The following HDAC8 variants were observed in gnomAD, a reference collection of about 807,000 sequenced individuals.
HDAC8 encodes histone deacetylase 8.
A neutral mutation model predicts 32.2 loss-of-function variants in HDAC8; 1 was observed. The observed-to-expected ratio is 0.03, with a 90% CI of 0.01 to 0.15. The LOEUF (loss-of-function observed/expected upper bound fraction) is 0.15, where lower values mean the gene tolerates loss of function less well. HDAC8 is among the 10% of genes least tolerant of loss of function. The pLI is 1.00. For missense variants in HDAC8, 117 were observed against 300.0 expected, an observed-to-expected ratio of 0.39 and a Z score of 4.51; for synonymous variants, 108 against 113.9, an observed-to-expected ratio of 0.95 and a Z score of 0.33.
At chrX:72,503,603 A>G (rs1477370720) in intron 4 of HDAC8, among the ~76,000 whole-genome samples, 1 of 111,667 alleles carries the variant, frequency 9.0e-6, no homozygotes, top group East Asian at 2.8e-4. Context: ...TATACCCCTG[A>G]GTTCTCCAGG....
In HDAC8 at chrX:72,464,777, G is replaced by C. The variant is rs782500602; in HGVS notation, c.738-46C>G. Reference sequence around the variant, plus strand: ...ACAAAATATAGGTCAGTTTGGTCTAGGGGTAGTGGTGGTGGTAGGGCAAGT... The same window carrying C: ...ACAAAATATAGGTCAGTTTGGTCTACGGGTAGTGGTGGTGGTAGGGCAAGT... On this transcript the variant is annotated intron_variant, in intron 7 of 10. Transcript: ENST00000373573. 43 of 991,758 alleles carry C rather than the reference G, an allele frequency of 4.3e-5. No homozygotes were observed. The Admixed American group carries it at 9.9e-4, about 23-fold the overall frequency. 81.7% of individuals were successfully genotyped at this position (991,758 alleles called of 1,213,427 possible).
At chrX:72,569,650 C>T (rs782707254) in intron 2 of HDAC8, among the ~76,000 whole-genome samples, 4 of 112,000 alleles carry the variant, frequency 3.6e-5, no homozygotes, top group East Asian at 2.8e-4. Flanking sequence ...CTACTCCTCA[C>T]GAAAAATGAC....
At chrX:72,341,692 C>G (rs782149148) in intron 10 of HDAC8, among the ~76,000 whole-genome samples, 1 of 111,668 alleles carries the variant, frequency 9.0e-6, no homozygotes, top group Non-Finnish European at 1.9e-5. Context: ...TAAGAATCAC[C>G]ACCTCAGCCT....
At chrX:72,553,608 T>C (rs2051165119) in intron 4 of HDAC8, among the ~76,000 whole-genome samples, 1 of 111,695 alleles carries the variant, frequency 9.0e-6, no homozygotes, top group Non-Finnish European at 1.9e-5. Flanking sequence ...GGGAAAAATA[T>C]ATATACAATC....
At chrX:72,407,648 G>C (rs1471702247) in intron 9 of HDAC8, among the ~76,000 whole-genome samples, 2 of 111,512 alleles carry the variant, frequency 1.8e-5, no homozygotes, top group African/African-American at 6.5e-5. Context: ...ATGGAGGAAG[G>C]AGCCATGAAC....
intron 4 of HDAC8, among the ~76,000 whole-genome samples, chrX:72,508,536 T>C (rs782764924): frequency 8.9e-6 from 1 of 112,717 alleles, no homozygotes; most frequent in African/African-American, 3.2e-5. Context: ...CCTCCAAAAC[T>C]CGTGTTGAAA....
At chrX:72,497,616 A>C (rs191428866) in intron 4 of HDAC8, among the ~76,000 whole-genome samples, 20 of 111,610 alleles carry the variant, frequency 1.8e-4, no homozygotes, top group African/African-American at 5.8e-4. Context: ...CTCAACATAG[A>C]CAGGTTTACT....
intron 9 of HDAC8, among the ~76,000 whole-genome samples, chrX:72,461,723 A>C (rs1449500218): frequency 8.9e-6 from 1 of 111,896 alleles, no homozygotes; most frequent in Non-Finnish European, 1.9e-5. Context: ...CATATTCCAA[A>C]GAATTCTTTG....
intron 10 of HDAC8, among the ~76,000 whole-genome samples, chrX:72,339,963 C>T (rs1296833999): frequency 8.9e-6 from 1 of 111,993 alleles, no homozygotes; most frequent in African/African-American, 3.2e-5. Flanking sequence ...ACTTGTCTGC[C>T]TCTGACCTGA....
intron 10 of HDAC8, among the ~76,000 whole-genome samples, chrX:72,335,295 C>T (rs145859981): frequency 0.024 from 2,741 of 112,158 alleles, 105 homozygotes; most frequent in African/African-American, 0.084. Flanking sequence ...ATTAGAGTAT[C>T]ATGCAGGAAT....
intron 7 of HDAC8, among the ~76,000 whole-genome samples, chrX:72,469,613 TTC>T (rs2048111997): frequency 8.9e-6 from 1 of 112,234 alleles, no homozygotes; most frequent in Admixed American, 9.4e-5. Context: ...CATCAGAATT[TTC>T]TCTCTGTTCT....
chrX:72,378,760 T>C (rs2045169734), intron 9 of HDAC8, among the ~76,000 whole-genome samples: 1 of 111,913 alleles, frequency 8.9e-6, no homozygotes, highest in South Asian at 3.7e-4. Context: ...ATTTGTACTT[T>C]GATATTTACT....
At chrX:72,565,189 A>T in intron 4 of HDAC8, among the ~76,000 whole-genome samples, 1 of 112,622 alleles carries the variant, frequency 8.9e-6, no homozygotes, top group Non-Finnish European at 1.9e-5. Flanking sequence ...CATACATTTG[A>T]CATGTAGTAG....
intron 7 of HDAC8, chrX:72,480,367 T>C: frequency 3.0e-6 from 1 of 329,472 alleles, no homozygotes; most frequent in African/African-American, 2.6e-5. Context: ...AAATGGGGAA[T>C]GTATTAGCTT....
intron 9 of HDAC8, among the ~76,000 whole-genome samples, chrX:72,371,955 AG>A (rs1302887133): frequency 9.0e-6 from 1 of 110,864 alleles, no homozygotes; most frequent in Admixed American, 9.6e-5. Flanking sequence ...AAAATAAAGT[AG>A]GGTAAGGGGT....
intron 9 of HDAC8, among the ~76,000 whole-genome samples, chrX:72,442,003 T>C (rs1198139740): frequency 7.3e-5 from 8 of 110,306 alleles, no homozygotes; most frequent in African/African-American, 2.3e-4. Flanking sequence ...TAAAAAGAAA[T>C]GAAAAAAGCC....
At chrX:72,571,025 C>T (rs2052016117) in intron 2 of HDAC8, among the ~76,000 whole-genome samples, 1 of 111,817 alleles carries the variant, frequency 8.9e-6, no homozygotes, top group African/African-American at 3.3e-5. Flanking sequence ...CTCGGGTTCA[C>T]ACCATTCTCC....
At chrX:72,560,289 T>C (rs2051497171) in intron 4 of HDAC8, among the ~76,000 whole-genome samples, 1 of 110,821 alleles carries the variant, frequency 9.0e-6, no homozygotes, top group South Asian at 3.9e-4. Context: ...CTGAAACATG[T>C]GCTGTGTCCA....
intron 9 of HDAC8, among the ~76,000 whole-genome samples, chrX:72,372,104 A>C (rs1370248328): frequency 1.8e-5 from 2 of 111,178 alleles, no homozygotes; most frequent in Admixed American, 1.9e-4. Context: ...GGGTTTCACC[A>C]AGGGCTCCTG....
Sources: allele counts gnomAD v4.1 joint callset (sites outside exome capture counted in the v4.1 genomes callset), GRCh38; gene constraint gnomAD v4.1.1; transcripts MANE v1.5; gene names NCBI Gene and HGNC (gene_info 2026-07-23, HGNC 2026-07-21).